Variants in XK observed in about 807,000 individuals in gnomAD.
XK encodes the protein endoplasmic reticulum membrane adapter protein XK.
Under a neutral mutation model 14.0 loss-of-function variants are expected in XK, and 2 were observed. That is an observed-to-expected ratio of 0.14 (90% confidence interval 0.06 to 0.45). The LOEUF (loss-of-function observed/expected upper bound fraction) is 0.45. Ranked by LOEUF, XK falls within the 20% of genes least tolerant of loss-of-function variation. The pLI is 0.98. For synonymous variants in XK, 149 were observed against 147.5 expected (o/e 1.01, Z -0.08); for missense variants, 235 against 341.5 (o/e 0.69, Z 2.46).
intron 1 of XK, among the ~76,000 whole-genome samples, chrX:37,687,848 T>A (rs1331838761): frequency 1.8e-5 from 2 of 109,876 alleles, no homozygotes; most frequent in Non-Finnish European, 3.8e-5. Context: ...GACTTCTTGA[T>A]AGCTGGGGAA....
intron 2 of XK, among the ~76,000 whole-genome samples, chrX:37,726,928 T>C (rs782138460): frequency 5.4e-5 from 6 of 112,044 alleles, no homozygotes; most frequent in South Asian, 7.4e-4. Context: ...GAGCAACTTA[T>C]TACTGTTTGT....
At chrX:37,724,072 G>A (rs998747399) in intron 2 of XK, among the ~76,000 whole-genome samples, 11 of 111,244 alleles carry the variant, frequency 9.9e-5, no homozygotes, top group Non-Finnish European at 1.9e-4. Flanking sequence ...AGTGCCAAAA[G>A]ACTATGAGAA....
chrX:37,721,147 C>G (rs1309785139), intron 2 of XK, among the ~76,000 whole-genome samples: 1 of 111,068 alleles, frequency 9.0e-6, no homozygotes, highest in Middle Eastern at 4.6e-3. Context: ...TAAGTGTTCC[C>G]TTTTCTCCCA....
chrX:37,714,881 G>C (rs1335649800), intron 2 of XK, among the ~76,000 whole-genome samples: 1 of 111,280 alleles, frequency 9.0e-6, no homozygotes, highest in African/African-American at 3.3e-5. Context: ...AGAGGTCTCT[G>C]CTGTATCAGC....
intron 2 of XK, among the ~76,000 whole-genome samples, chrX:37,706,489 C>T (rs781823876): frequency 1.8e-5 from 2 of 110,534 alleles, no homozygotes; most frequent in East Asian, 5.6e-4. Flanking sequence ...GGTTCTACTC[C>T]CTGAAACCTG....
rs1396725367 is a variant in XK, at chrX:37,705,022, CATA to C, written c.508+10477_508+10479del. ...AAGTTTTGAACAAAACATATGTAAG[CATA>C]ATGATTAATCCTATTTTGAAGTAAG... On this transcript the variant is annotated intron_variant, in intron 2 of 2. Coordinates refer to ENST00000378616, the MANE Select transcript of XK (RefSeq NM_021083.4). Among the ~76,000 whole-genome samples, 8 of 111,987 alleles carry C rather than the reference CATA, an allele frequency of 7.1e-5. No homozygotes were observed. In the Admixed American group the frequency reaches 7.5e-4, roughly 11 times the overall value.
chrX:37,706,734 A>C (rs1556445247), intron 2 of XK, among the ~76,000 whole-genome samples: 1 of 109,372 alleles, frequency 9.1e-6, no homozygotes, highest in African/African-American at 3.3e-5. Context: ...CAGCAGATAA[A>C]CAAGTGAACA....
At chrX:37,717,429 G>C (rs1230031400) in intron 2 of XK, among the ~76,000 whole-genome samples, 1 of 111,862 alleles carries the variant, frequency 8.9e-6, no homozygotes, top group East Asian at 2.8e-4. Flanking sequence ...TTATAGGATT[G>C]TTGTTAGAAT....
chrX:37,690,105 T>TA (rs1261006715), intron 1 of XK, among the ~76,000 whole-genome samples: 2 of 112,262 alleles, frequency 1.8e-5, no homozygotes, highest in East Asian at 5.5e-4. Context: ...CTTTCTATAT[T>TA]AAACTTTATA....
At chrX:37,722,741 A>G (rs1355627021) in intron 2 of XK, among the ~76,000 whole-genome samples, 1 of 111,830 alleles carries the variant, frequency 8.9e-6, no homozygotes, top group Non-Finnish European at 1.9e-5. Context: ...ATAATACAGA[A>G]AACAACCATC....
At chrX:37,690,204 A>G (rs782320584) in intron 1 of XK, among the ~76,000 whole-genome samples, 7 of 111,600 alleles carry the variant, frequency 6.3e-5, no homozygotes, top group African/African-American at 2.0e-4. Context: ...AATTTCATCC[A>G]TGGTAAAACC....
At chrX:37,710,934 A>G (rs1246957663) in intron 2 of XK, among the ~76,000 whole-genome samples, 1 of 111,916 alleles carries the variant, frequency 8.9e-6, no homozygotes, top group African/African-American at 3.3e-5. Context: ...TAGGGGTGGG[A>G]CAGTCAGTCT....
chrX:37,704,561 C>A (rs1471335250), intron 2 of XK, among the ~76,000 whole-genome samples: 1 of 110,590 alleles, frequency 9.0e-6, no homozygotes, highest in Non-Finnish European at 1.9e-5. Context: ...ATCAGCCGGG[C>A]GTGGTGGCTC....
At chrX:37,705,308 C>T (rs781896164) in intron 2 of XK, among the ~76,000 whole-genome samples, 30 of 109,562 alleles carry the variant, frequency 2.7e-4, no homozygotes, top group South Asian at 1.6e-3. Flanking sequence ...AAAAATTAGC[C>T]GGGCGTGGTG....
At chrX:37,692,344 T>C (rs1436328484) in intron 1 of XK, among the ~76,000 whole-genome samples, 1 of 111,695 alleles carries the variant, frequency 9.0e-6, no homozygotes, top group African/African-American at 3.3e-5. Context: ...CCCACAGCAC[T>C]TAGTAAACCA....
chrX:37,704,234 A>G (rs1433117553), intron 2 of XK, among the ~76,000 whole-genome samples: 2 of 111,717 alleles, frequency 1.8e-5, no homozygotes, highest in East Asian at 5.6e-4. Context: ...ATCAGTGTAA[A>G]TAAAAAACTA....
chrX:37,697,335 G>A (rs1181279641), intron 2 of XK, among the ~76,000 whole-genome samples: 16 of 112,276 alleles, frequency 1.4e-4, no homozygotes, highest in Non-Finnish European at 1.9e-5. Flanking sequence ...CATGGCCTGC[G>A]TGTGGTTGGG....
At chrX:37,699,250 G>T (rs1438118607) in intron 2 of XK, among the ~76,000 whole-genome samples, 1 of 112,256 alleles carries the variant, frequency 8.9e-6, no homozygotes, top group Non-Finnish European at 1.9e-5. Flanking sequence ...AGTGAGAGAT[G>T]TCAAGAATAA....
At chrX:37,686,844 A>G (rs782285489) in intron 1 of XK, among the ~76,000 whole-genome samples, 73 of 111,720 alleles carry the variant, frequency 6.5e-4, no homozygotes, top group Non-Finnish European at 1.3e-3. Flanking sequence ...TGCACAATGC[A>G]CCATGAAAAC....
Sources: allele counts gnomAD v4.1 joint callset (sites outside exome capture counted in the v4.1 genomes callset), GRCh38; gene constraint gnomAD v4.1.1; transcripts MANE v1.5; gene names NCBI Gene and HGNC (gene_info 2026-07-23, HGNC 2026-07-21).